Variants in ECT2 observed in about 807,000 individuals in gnomAD.
ECT2 encodes epithelial cell transforming 2.
Under a neutral mutation model 116.9 loss-of-function variants are expected in ECT2, and 61 were observed. The observed-to-expected ratio is 0.52, with a 90% CI of 0.42 to 0.65. ECT2 has a LOEUF of 0.65. Ranked by LOEUF, ECT2 falls within the 30% of genes least tolerant of loss-of-function variation. The probability of loss-of-function intolerance (pLI) is 0.00; values close to 1 mark genes in which losing one functional copy is unlikely to be tolerated. For missense variants in ECT2, 937 were observed against 1,078.7 expected (o/e 0.87, Z 1.84); for synonymous variants, 358 against 346.4 (o/e 1.03, Z -0.37).
chr3:172,794,162 A>T (rs959937044), intron 18 of ECT2, among the ~76,000 whole-genome samples: 7 of 152,066 alleles, frequency 4.6e-5, no homozygotes, highest in African/African-American at 1.7e-4. Context: ...TCTAAGAAAT[A>T]TTTGTCTAAC....
downstream of ECT2, among the ~76,000 whole-genome samples, chr3:172,825,230 G>A (rs550978909): frequency 8.5e-5 from 13 of 152,180 alleles, no homozygotes; most frequent in African/African-American, 3.1e-4. Flanking sequence ...AACTTTATCG[G>A]TAATTGTTGT....
intron 12 of ECT2, among the ~76,000 whole-genome samples, chr3:172,765,215 A>G (rs1719119558): frequency 6.6e-6 from 1 of 152,146 alleles, no homozygotes; most frequent in African/African-American, 2.4e-5. Flanking sequence ...CATTCAACAC[A>G]TGAATAGCTA....
At chr3:172,773,811 A>G (rs2108524631) in intron 13 of ECT2, 92 bp from the exon 14 acceptor site, 1 of 1,280,996 alleles carries the variant, frequency 7.8e-7, no homozygotes, top group East Asian at 2.4e-5. Flanking sequence ...TTCCTTCTCT[A>G]TTAATATCTT....
At chr3:172,796,874 G>A (rs1412951655) in intron 18 of ECT2, among the ~76,000 whole-genome samples, 3 of 152,076 alleles carry the variant, frequency 2.0e-5, no homozygotes, top group African/African-American at 7.2e-5. Context: ...GGCCAGGCTG[G>A]TCTTGAACTC....
intron 1 of ECT2, among the ~76,000 whole-genome samples, chr3:172,751,960 G>A (rs527835891): frequency 1.3e-5 from 2 of 152,112 alleles, no homozygotes; most frequent in African/African-American, 2.4e-5. Context: ...AGCTGTTTTG[G>A]CAATAAATTG....
chr3:172,816,940 T>A (rs541803191), intron 24 of ECT2, 103 bp downstream of exon 24: 40 of 939,828 alleles, frequency 4.3e-5, no homozygotes, highest in Middle Eastern at 3.6e-4. Context: ...TTTAAAAAAA[T>A]TTTAATAATT....
intron 13 of ECT2, chr3:172,771,367 G>A (rs543667693): frequency 1.3e-5 from 2 of 152,200 alleles, no homozygotes; most frequent in African/African-American, 2.4e-5. Flanking sequence ...TTAGCTTGTC[G>A]TTACTATTAT....
intron 12 of ECT2, among the ~76,000 whole-genome samples, chr3:172,765,196 G>A (rs1469668439): frequency 2.0e-5 from 3 of 152,100 alleles, no homozygotes; most frequent in Non-Finnish European, 4.4e-5. Flanking sequence ...TGGGGAGACA[G>A]TTTTTATGCA....
chr3:172,783,270 C>A (rs1723035588), intron 15 of ECT2, among the ~76,000 whole-genome samples: 1 of 152,070 alleles, frequency 6.6e-6, no homozygotes, highest in Non-Finnish European at 1.5e-5. Context: ...TCTTTCCTTA[C>A]AAAATAATCT....
Position 172,816,820 on chromosome 3 carries a change from A to G in ECT2, c.2638A>G (p.Ser880Gly), listed in dbSNP as rs758541650. The G allele has an allele frequency of 1.3e-6, 2 of 1,595,004 alleles. No homozygotes were observed. The highest frequency in any genetic ancestry group is 1.7e-6 in the Non-Finnish European group (2 of 1,167,752). ...TAAGCATGTAATGAGTCGTCTTTCT[A>G]GCACATCATCATTAGCAGTAAGTTA... ...NDKHVMSRLS[S>G]TSSLAGIPSP... Residue 880 changes from serine (S) to glycine (G), a missense_variant, in exon 24 of 25, where the codon AGC becomes GGC. By Grantham distance (56) the Ser-to-Gly change is moderately conservative (BLOSUM62 0). Coordinates refer to ENST00000392692, the MANE Select transcript of ECT2 (RefSeq NM_001258315.2).
chr3:172,771,036 A>G (rs1720534286), intron 13 of ECT2, among the ~76,000 whole-genome samples: 1 of 152,206 alleles, frequency 6.6e-6, no homozygotes, highest in South Asian at 2.1e-4. Context: ...TAATGATCGA[A>G]GTGAACTTTT....
At chr3:172,797,278 A>G (rs978111436) in intron 18 of ECT2, among the ~76,000 whole-genome samples, 1 of 151,422 alleles carries the variant, frequency 6.6e-6, no homozygotes, top group African/African-American at 2.4e-5. Flanking sequence ...CAAGCAATCC[A>G]CCGGCCTAGG....
chr3:172,784,054 A>G (rs1233361627), intron 16 of ECT2, 145 bp downstream of exon 16: 3 of 580,172 alleles, frequency 5.2e-6, no homozygotes, highest in Non-Finnish European at 8.9e-6. Flanking sequence ...ATGGGTGACC[A>G]TGATATTTAG....
intron 13 of ECT2, 96 bp downstream of exon 13, chr3:172,769,239 C>A: frequency 8.2e-7 from 1 of 1,220,976 alleles, no homozygotes. Flanking sequence ...ATTATATAAA[C>A]ATAGTATTTG....
chr3:172,785,541 TA>T (rs1285194001), intron 17 of ECT2, among the ~76,000 whole-genome samples: 4 of 151,496 alleles, frequency 2.6e-5, no homozygotes, highest in African/African-American at 4.8e-5. Flanking sequence ...GAAGGATAAC[TA>T]AATTATAAAC....
chr3:172,825,766 TGCTGATAGGGAA>T, downstream of ECT2, among the ~76,000 whole-genome samples: 2 of 152,230 alleles, frequency 1.3e-5, no homozygotes, highest in African/African-American at 4.8e-5. Context: ...AAGCAGCAAA[TGCTGATAGGGAA>T]GCTGCAGCAA....
chr3:172,797,879 C>G (rs1341362219), intron 18 of ECT2, among the ~76,000 whole-genome samples: 2 of 152,140 alleles, frequency 1.3e-5, no homozygotes, highest in African/African-American at 4.8e-5. Flanking sequence ...CCATGTAGCT[C>G]TGTATTCCTT....
chr3:172,805,870 G>A lies in ECT2; in HGVS notation c.2245+1G>A. 1 of 1,612,098 alleles carries A rather than the reference G, an allele frequency of 6.2e-7. No individual in the cohort carries two copies. The highest frequency in any genetic ancestry group is 8.5e-7 in the Non-Finnish European group (1 of 1,179,080). ...GTATTGGACATAAGAGAGACAGAAG[G>A]TATGCCGGTCGGATACATTCTTGGT... is the stretch of plus-strand genomic sequence containing the variant. On this transcript the variant is annotated splice_donor_variant, in intron 21 of 24. Coordinates refer to ENST00000392692, the MANE Select transcript of ECT2 (RefSeq NM_001258315.2). LOFTEE classifies it high-confidence loss of function.
the ECT2 span, among the ~76,000 whole-genome samples, chr3:172,827,396 T>C: frequency 1.3e-5 from 2 of 152,118 alleles, no homozygotes; most frequent in African/African-American, 2.4e-5. Flanking sequence ...CATCAACAGA[T>C]GAATGGATAA....
Sources: gnomAD v4.1 joint callset for allele counts (sites outside exome capture counted in the v4.1 genomes callset) on GRCh38, gnomAD v4.1.1 for gene constraint, MANE v1.5 for transcripts, NCBI Gene and HGNC (gene_info 2026-07-23, HGNC 2026-07-21) for gene names.